The following XYLT1 variants were observed in gnomAD, a reference collection of about 807,000 sequenced individuals.
The protein encoded by XYLT1 is xylosyltransferase 1.
XYLT1 carries 36 observed loss-of-function variants against 91.3 expected under a neutral mutation model. The observed-to-expected ratio is 0.39, with a 90% CI of 0.30 to 0.52. The LOEUF is 0.52. Ranked by LOEUF, XYLT1 falls within the 20% of genes least tolerant of loss-of-function variation. The pLI, the probability that XYLT1 is intolerant of heterozygous loss-of-function variation, is 0.68. For missense variants in XYLT1, 1,242 were observed against 1,284.5 expected (o/e 0.97, Z 0.51); for synonymous variants, 588 against 532.0 (o/e 1.11, Z -1.45).
chr16:17,467,050 G>GAGTT (rs1194573076), intron 1 of XYLT1, among the ~76,000 whole-genome samples: 1 of 152,176 alleles, frequency 6.6e-6, no homozygotes, highest in Non-Finnish European at 1.5e-5. Flanking sequence ...AAAGAGTCCT[G>GAGTT]AGTTATCTGA....
Position 17,225,177 on chromosome 16 carries a change from A to ACACTCTCT in XYLT1, c.914-24524_914-24523insAGAGAGTG, listed in dbSNP as rs150256998. On this transcript the variant is annotated intron_variant, in intron 3 of 11. Coordinates refer to ENST00000261381, the MANE Select transcript of XYLT1 (RefSeq NM_022166.4). ...TACACACACACACACACACACACAC[A>ACACTCTCT]CTCTCTCTCTCTCTATTTATAATTG... 6.9e-3 allele frequency among the ~76,000 whole-genome samples: 1,023 copies of ACACTCTCT among 147,446 alleles called. 7 individuals are homozygous for ACACTCTCT. Among genetic ancestry groups the ACACTCTCT allele is most frequent in the African/African-American group, 0.022 (887 of 39,594 alleles).
chr16:17,127,976 A>G (rs1190394272), intron 9 of XYLT1, 115 bp from the exon 10 acceptor site: 1 of 903,728 alleles, frequency 1.1e-6, no homozygotes, highest in African/African-American at 1.7e-5. Context: ...CACAATGCCT[A>G]CTGTTTTCCT....
rs201468781 is a variant in XYLT1, at chr16:17,440,264, A to G, written c.363+30170T>C. Among the ~76,000 whole-genome samples, 9 of 152,340 alleles carry G rather than the reference A, an allele frequency of 5.9e-5. No individual in the cohort carries two copies. In the East Asian group the frequency reaches 1.5e-3, roughly 26 times the overall value. On this transcript the variant is annotated intron_variant, in intron 1 of 11. Transcript: ENST00000261381. Reference sequence around the variant, plus strand: ...GGCCGTCAACATGAATGCAGAATGAACTGATAACCTTCATAACATTTTCTA... The same window carrying G: ...GGCCGTCAACATGAATGCAGAATGAGCTGATAACCTTCATAACATTTTCTA...
chr16:17,372,644 A>G (rs1051964153), intron 1 of XYLT1, among the ~76,000 whole-genome samples: 1 of 152,204 alleles, frequency 6.6e-6, no homozygotes, highest in Admixed American at 6.5e-5. Context: ...ATCCGTTTCC[A>G]TTCATTATCT....
intron 2 of XYLT1, among the ~76,000 whole-genome samples, chr16:17,308,602 A>G (rs1376413633): frequency 3.3e-5 from 5 of 152,168 alleles, no homozygotes; most frequent in African/African-American, 1.2e-4. Flanking sequence ...TTCGGTCCAC[A>G]CTTGCTTTCC....
chr16:17,272,235 C>T (rs34797593), intron 2 of XYLT1, among the ~76,000 whole-genome samples: 36,686 of 141,598 alleles, frequency 0.26, 4,758 homozygotes, highest in Middle Eastern at 0.37. Context: ...GATCTTGGCT[C>T]ACTGCAACCT....
chr16:17,347,026 G>A (rs565967414), intron 2 of XYLT1, among the ~76,000 whole-genome samples: 3 of 152,182 alleles, frequency 2.0e-5, no homozygotes, highest in Non-Finnish European at 4.4e-5. Context: ...GGGGGAGCCG[G>A]GGTAGCCCCA....
At chr16:17,114,102 C>A (rs1966847593) in intron 11 of XYLT1, among the ~76,000 whole-genome samples, 1 of 152,224 alleles carries the variant, frequency 6.6e-6, no homozygotes, top group Admixed American at 6.5e-5. Context: ...GGGTGGGCAC[C>A]CCAATGCCAT....
At chr16:17,393,332 G>A (rs2035843456) in intron 1 of XYLT1, among the ~76,000 whole-genome samples, 1 of 152,214 alleles carries the variant, frequency 6.6e-6, no homozygotes, top group African/African-American at 2.4e-5. Context: ...TGTAAGGGGT[G>A]CAGGAGCAAT....
intron 8 of XYLT1, among the ~76,000 whole-genome samples, chr16:17,135,379 TCCAGG>T (rs924942055): frequency 6.6e-6 from 1 of 151,856 alleles, no homozygotes; most frequent in African/African-American, 2.4e-5. Context: ...AAATTCAGAT[TCCAGG>T]CCAGGCACAC....
chr16:17,320,782 C>A (rs2034706840), intron 2 of XYLT1, among the ~76,000 whole-genome samples: 2 of 124,766 alleles, frequency 1.6e-5, no homozygotes, highest in Non-Finnish European at 3.5e-5. Flanking sequence ...ATCTGGCCGA[C>A]CTTGGAAAAG....
At chr16:17,368,982 G>C (rs965603326) in intron 1 of XYLT1, among the ~76,000 whole-genome samples, 49 of 151,734 alleles carry the variant, frequency 3.2e-4, no homozygotes, top group African/African-American at 1.2e-3. Flanking sequence ...CTGAGGCTCA[G>C]AGAGTTTCAA....
chr16:17,418,352 A>G (rs1016416164), intron 1 of XYLT1, among the ~76,000 whole-genome samples: 4 of 152,224 alleles, frequency 2.6e-5, no homozygotes. Context: ...ACCCGTTTAT[A>G]TAACTCCAAG....
intron 3 of XYLT1, among the ~76,000 whole-genome samples, chr16:17,248,192 G>C (rs146823091): frequency 1.1e-3 from 162 of 152,264 alleles, no homozygotes; most frequent in African/African-American, 3.7e-3. Flanking sequence ...TTTATAAAGA[G>C]GAATCTCCCT....
intron 1 of XYLT1, chr16:17,446,352 C>T (rs573099467): frequency 6.6e-6 from 1 of 152,226 alleles, no homozygotes; most frequent in African/African-American, 2.4e-5. Context: ...TCTTTAAATG[C>T]TCACTTATTG....
chr16:17,134,302 C>T (rs2030618650), intron 9 of XYLT1, among the ~76,000 whole-genome samples, 171 bp downstream of exon 9: 1 of 152,042 alleles, frequency 6.6e-6, no homozygotes, highest in African/African-American at 2.4e-5. Context: ...ATTGGAAATG[C>T]CACGCACGCT....
At chr16:17,257,847 G>T (rs753317363) in intron 3 of XYLT1, among the ~76,000 whole-genome samples, 3 of 152,172 alleles carry the variant, frequency 2.0e-5, no homozygotes, top group African/African-American at 7.2e-5. Flanking sequence ...AGCCTGGTGC[G>T]GTGTCTAGCA....
chr16:17,130,326 G>A (rs983334748), intron 9 of XYLT1, among the ~76,000 whole-genome samples: 3 of 152,184 alleles, frequency 2.0e-5, no homozygotes, highest in Admixed American at 6.5e-5. Flanking sequence ...CAGTGTTATC[G>A]TGACAATAGA....
intron 5 of XYLT1, among the ~76,000 whole-genome samples, chr16:17,197,290 C>G (rs2032448648): frequency 6.6e-6 from 1 of 152,014 alleles, no homozygotes; most frequent in Non-Finnish European, 1.5e-5. Context: ...TCTCTGTAGG[C>G]GTGACTCTCT....
Sources: gnomAD v4.1 joint callset for allele counts (sites outside exome capture counted in the v4.1 genomes callset) on GRCh38, gnomAD v4.1.1 for gene constraint, MANE v1.5 for transcripts, NCBI Gene and HGNC (gene_info 2026-07-23, HGNC 2026-07-21) for gene names.